The following TPRG1 variants were observed in gnomAD, a reference collection of about 807,000 sequenced individuals.
TPRG1 encodes tumor protein p63-regulated gene 1 protein.
TPRG1 carries 29 observed loss-of-function variants against 29.3 expected under a neutral mutation model. The observed-to-expected ratio is 0.99, with a 90% CI of 0.74 to 1.35. The LOEUF is 1.35. TPRG1 is among the 40% of genes most tolerant of loss of function. The pLI is 0.00. For missense variants in TPRG1, 327 were observed against 335.0 expected, an observed-to-expected ratio of 0.98 and a Z score of 0.19; for synonymous variants, 130 against 116.8, an observed-to-expected ratio of 1.11 and a Z score of -0.73.
intron 1 of TPRG1, among the ~76,000 whole-genome samples, chr3:188,997,802 A>G (rs1711881799): frequency 6.6e-6 from 1 of 152,188 alleles, no homozygotes; most frequent in Non-Finnish European, 1.5e-5. Flanking sequence ...CTTTATGACT[A>G]TATCACGAAG....
At chr3:189,184,232 A>G (rs1038374009) in intron 1 of TPRG1, among the ~76,000 whole-genome samples, 1 of 152,128 alleles carries the variant, frequency 6.6e-6, no homozygotes, top group African/African-American at 2.4e-5. Context: ...TAATCTGTCA[A>G]ATGAGGATAA....
chr3:189,186,567 A>G (rs1217036414), intron 1 of TPRG1, among the ~76,000 whole-genome samples: 1 of 152,204 alleles, frequency 6.6e-6, no homozygotes, highest in Non-Finnish European at 1.5e-5. Context: ...AAATGATAAA[A>G]ATAAATATAT....
chr3:189,231,522 G>A (rs919846961), intron 3 of TPRG1, among the ~76,000 whole-genome samples: 1 of 152,020 alleles, frequency 6.6e-6, no homozygotes, highest in African/African-American at 2.4e-5. Flanking sequence ...AACAATATTT[G>A]AACATTTTTG....
chr3:189,273,137 A>T (rs1482201119), intron 4 of TPRG1, among the ~76,000 whole-genome samples: 1 of 152,156 alleles, frequency 6.6e-6, no homozygotes, highest in Admixed American at 6.5e-5. Flanking sequence ...TGAAGCTGTC[A>T]CTTGTTGGTC....
At chr3:189,169,096 A>G (rs907368728), upstream of TPRG1, among the ~76,000 whole-genome samples, 1 of 152,234 alleles carries the variant, frequency 6.6e-6, no homozygotes, top group Non-Finnish European at 1.5e-5. Context: ...CTAAATAAGT[A>G]ACAACATACG....
intron 4 of TPRG1, among the ~76,000 whole-genome samples, chr3:189,081,577 A>G (rs1717596511): frequency 6.6e-6 from 1 of 152,216 alleles, no homozygotes; most frequent in African/African-American, 2.4e-5. Context: ...ATGATACAGA[A>G]AAGTTGATAA....
intron 4 of TPRG1, among the ~76,000 whole-genome samples, chr3:189,297,319 A>G (rs1019282283): frequency 1.3e-5 from 2 of 152,118 alleles, no homozygotes; most frequent in Non-Finnish European, 2.9e-5. Context: ...CTGTCTTGCA[A>G]TCAGGTAAAA....
chr3:189,190,143 T>C (rs542431123), intron 1 of TPRG1, among the ~76,000 whole-genome samples: 2 of 152,350 alleles, frequency 1.3e-5, no homozygotes, highest in South Asian at 4.1e-4. Context: ...AACCCACTTC[T>C]GGTGAAACCT....
intron 3 of TPRG1, among the ~76,000 whole-genome samples, chr3:189,220,679 C>T (rs1736805265): frequency 6.6e-6 from 1 of 152,158 alleles, no homozygotes; most frequent in Admixed American, 6.5e-5. Flanking sequence ...TAAGTCAGAA[C>T]ATGGGGTATT....
intron 1 of TPRG1, among the ~76,000 whole-genome samples, chr3:189,188,219 G>A (rs547086080): frequency 2.0e-5 from 3 of 152,326 alleles, no homozygotes; most frequent in East Asian, 3.9e-4. Context: ...TCATTCGAGA[G>A]TTAACAGACG....
intron 5 of TPRG1, among the ~76,000 whole-genome samples, chr3:189,318,888 C>A (rs772858422): frequency 2.0e-5 from 3 of 152,086 alleles, no homozygotes; most frequent in Non-Finnish European, 2.9e-5. Context: ...AATTTTAAAA[C>A]TAAATTTTCT....
intron 4 of TPRG1, among the ~76,000 whole-genome samples, chr3:189,071,216 A>G (rs1442674129): frequency 1.3e-5 from 2 of 152,168 alleles, no homozygotes; most frequent in African/African-American, 4.8e-5. Context: ...AGCCATCACT[A>G]TGTGTGGGTG....
intron 4 of TPRG1, among the ~76,000 whole-genome samples, chr3:189,270,937 C>A (rs1319671174): frequency 6.6e-6 from 1 of 152,080 alleles, no homozygotes; most frequent in Non-Finnish European, 1.5e-5. Context: ...ATCTAAATCT[C>A]ATTTCTATTT....
intron 4 of TPRG1, among the ~76,000 whole-genome samples, chr3:189,025,735 C>T (rs1382850138): frequency 6.6e-6 from 1 of 152,148 alleles, no homozygotes; most frequent in East Asian, 1.9e-4. Flanking sequence ...CAAGCATGTG[C>T]CTGCTTTCTG....
chr3:189,105,960 C>T (rs186448534), intron 1 of TPRG1, among the ~76,000 whole-genome samples: 126 of 151,942 alleles, frequency 8.3e-4, no homozygotes, highest in Admixed American at 2.5e-3. Context: ...AATACCTAGG[C>T]GATGGGTTGA....
chr3:189,042,744 T>C (rs1714711275), intron 4 of TPRG1, among the ~76,000 whole-genome samples: 1 of 152,130 alleles, frequency 6.6e-6, no homozygotes. Context: ...GAAAGCTAAA[T>C]AGTTTCTTTA....
At chr3:189,038,554 G>A (rs112401395) in intron 4 of TPRG1, among the ~76,000 whole-genome samples, 10 of 151,986 alleles carry the variant, frequency 6.6e-5, no homozygotes, top group Admixed American at 1.3e-4. Flanking sequence ...TGGCAACTTC[G>A]GGGTGGGGAA....
At chr3:189,255,376 C>G (rs1253978181) in intron 4 of TPRG1, among the ~76,000 whole-genome samples, 4 of 152,202 alleles carry the variant, frequency 2.6e-5, no homozygotes. Context: ...ATGAAGCCAG[C>G]TTGATCATGG....
chr3:189,100,843 ACC>A (rs1719112181), intron 1 of TPRG1, among the ~76,000 whole-genome samples: 1 of 152,144 alleles, frequency 6.6e-6, no homozygotes, highest in Non-Finnish European at 1.5e-5. Context: ...TGCGGCTTCC[ACC>A]GCAAGCTAAG....
Sources: allele counts gnomAD v4.1 joint callset (sites outside exome capture counted in the v4.1 genomes callset), GRCh38; gene constraint gnomAD v4.1.1; transcripts MANE v1.5; gene names NCBI Gene and HGNC (gene_info 2026-07-23, HGNC 2026-07-21).